The following ZNF683 variants were observed in gnomAD, a reference collection of about 807,000 sequenced individuals.
The protein encoded by ZNF683 is zinc finger protein 683, also known as tissue-resident T-cell transcription regulator protein ZNF683.
Under a neutral mutation model 31.4 loss-of-function variants are expected in ZNF683, and 20 were observed. That is an observed-to-expected ratio of 0.64 (90% confidence interval 0.45 to 0.93). The LOEUF (loss-of-function observed/expected upper bound fraction) is 0.93, where lower values mean the gene tolerates loss of function less well. Among genes scored for constraint, ZNF683 ranks in the 40% least tolerant of loss-of-function variants. ZNF683 has a pLI of 0.00. For synonymous variants in ZNF683, 264 were observed against 267.6 expected (o/e 0.99, Z 0.13); for missense variants, 621 against 637.2 (o/e 0.97, Z 0.27).
chr1:26,366,530 C>G (rs1156516179), intron 3 of ZNF683, among the ~76,000 whole-genome samples: 1 of 152,018 alleles, frequency 6.6e-6, no homozygotes. Context: ...TTACAACAAA[C>G]CTAGAACCCA....
Position 26,363,195 on chromosome 1 carries a change from C to A in ZNF683, c.1015-41G>T, listed in dbSNP as rs1349559934. On this transcript the variant is annotated intron_variant, in intron 4 of 5. Transcript: ENST00000349618. Reference sequence around the variant, plus strand: ...GATAAATGCTGCCAACTGCCCAGCACCCCTAGCAGGGCCTGAGGTCCTCTC... The same window carrying A: ...GATAAATGCTGCCAACTGCCCAGCAACCCTAGCAGGGCCTGAGGTCCTCTC... The A allele has an allele frequency of 1.9e-6, 3 of 1,581,628 alleles. No individual in the cohort carries two copies. The South Asian group carries it at 3.4e-5, about 18-fold the overall frequency.
rs769513114 is a variant in ZNF683 at position 26,368,551 on chromosome 1, T to C, written c.21A>G (p.Ala7=). The part of the protein sequence containing the change: MKEESA[A]QLGCCHRPMA... Reference sequence around the variant, plus strand: ...TGGGCCTATGACAACAACCTAATTGTGCAGCTGATTCTTCCTTCATATCCC... The same window carrying C: ...TGGGCCTATGACAACAACCTAATTGCGCAGCTGATTCTTCCTTCATATCCC... Residue 7 remains alanine (A), a synonymous_variant, in exon 2 of 6, where the codon GCA becomes GCG. Transcript: ENST00000349618. 29 of 1,605,384 alleles carry C rather than the reference T, an allele frequency of 1.8e-5. No homozygotes were observed. In the East Asian group the frequency reaches 6.1e-4, roughly 34 times the overall value.
chr1:26,369,362 C>A (rs1301317395), intron 1 of ZNF683, among the ~76,000 whole-genome samples: 1 of 152,064 alleles, frequency 6.6e-6, no homozygotes, highest in Non-Finnish European at 1.5e-5. Flanking sequence ...CCCATCTCTA[C>A]TAAAAATCCA....
intron 1 of ZNF683, chr1:26,370,494 C>T (rs2074643777): frequency 3.7e-6 from 1 of 271,692 alleles, no homozygotes; most frequent in Admixed American, 6.5e-5. Flanking sequence ...TCCCCGTCAC[C>T]TCAGGGACCA....
At chr1:26,365,355 T>G (rs2074498008) in intron 3 of ZNF683, 129 bp from the exon 4 acceptor site, 2 of 992,318 alleles carry the variant, frequency 2.0e-6, no homozygotes, top group Non-Finnish European at 2.9e-6. Flanking sequence ...TCTGTAGTGC[T>G]GAACAATTTC....
Position 26,372,048 on chromosome 1 carries a change from G to C in ZNF683, c.-15+621C>G, listed in dbSNP as rs377137397. 1.5e-4 allele frequency among the ~76,000 whole-genome samples: 23 copies of C among 152,304 alleles called. 1 individual carries two copies. The South Asian group carries it at 4.8e-3, about 32-fold the overall frequency. ...CATTATTCTTGTGAGCATGAGAAGA[G>C]GCATCACCCCTGCGGCCTTACACAA... On this transcript the variant is annotated intron_variant, in intron 1 of 5. Coordinates refer to ENST00000349618, the MANE Select transcript of ZNF683 (RefSeq NM_001114759.3).
chr1:26,369,496 C>A (rs1049151271), intron 1 of ZNF683, among the ~76,000 whole-genome samples: 1 of 151,758 alleles, frequency 6.6e-6, no homozygotes, highest in Non-Finnish European at 1.5e-5. Context: ...GGTGAAACCT[C>A]GTCTCTACCA....
intron 5 of ZNF683, among the ~76,000 whole-genome samples, chr1:26,362,545 G>A (rs1283957806): frequency 6.6e-6 from 1 of 152,138 alleles, no homozygotes; most frequent in African/African-American, 2.4e-5. Flanking sequence ...CAAGTTGAAG[G>A]CAGAGCTAGG....
At chr1:26,369,989 C>T (rs1332177444) in intron 1 of ZNF683, among the ~76,000 whole-genome samples, 1 of 145,794 alleles carries the variant, frequency 6.9e-6, no homozygotes, top group Non-Finnish European at 1.5e-5. Context: ...AGAGCAAGAC[C>T]CTGTCTCAAT....
intron 3 of ZNF683, among the ~76,000 whole-genome samples, chr1:26,367,324 C>A (rs77480225): frequency 0.027 from 4,122 of 152,154 alleles, 153 homozygotes; most frequent in African/African-American, 0.083. Flanking sequence ...CATCCCCAAC[C>A]CCCATGACCT....
At chr1:26,371,898 C>T (rs1391936689) in intron 1 of ZNF683, among the ~76,000 whole-genome samples, 5 of 152,078 alleles carry the variant, frequency 3.3e-5, no homozygotes, top group African/African-American at 1.2e-4. Flanking sequence ...TGCCACTGCA[C>T]TCCAGCCTGG....
chr1:26,366,463 A>G (rs974134685), intron 3 of ZNF683, among the ~76,000 whole-genome samples: 1 of 151,994 alleles, frequency 6.6e-6, no homozygotes, highest in Non-Finnish European at 1.5e-5. Context: ...GAAATAAAGG[A>G]CACAGCAAGA....
rs575902439 is a variant in ZNF683, at chr1:26,367,844, A to G, written c.115-47T>C. 279 of 1,431,808 alleles carry G rather than the reference A, an allele frequency of 1.9e-4. No individual in the cohort carries two copies. The Admixed American group carries it at 2.9e-3, about 15-fold the overall frequency. The allele number at this position is 1,431,808 out of a possible 1,614,324, so 88.7% of individuals were successfully genotyped here. ...CTTGGGGGCTGGTGACTGGGACTCC[A>G]TGGGTCCCTTAGATGGCCCCTACCC... On this transcript the variant is annotated intron_variant, in intron 2 of 5. Transcript: ENST00000349618.
chr1:26,365,137 G>C lies in ZNF683; in HGVS notation c.409C>G (p.Gln137Glu), dbSNP rs2074490070. The C allele has an allele frequency of 6.2e-7, 1 of 1,609,238 alleles. No homozygotes were observed. The highest frequency in any genetic ancestry group is 8.5e-7 in the Non-Finnish European group (1 of 1,177,874). The change falls in exon 4 of 6, where the codon CAG (glutamine) becomes GAG (glutamate). Residue 137 changes from glutamine (Q) to glutamate (E), a missense_variant. Gln to Glu is a conservative substitution (Grantham distance 29, BLOSUM62 2). Coordinates refer to ENST00000349618, the MANE Select transcript of ZNF683 (RefSeq NM_001114759.3). ...YPQNKDKLGK[Q>E]PERAGEGAPC... ...GCCCCCTCGCCAGCTCTTTCTGGCT[G>C]TTTTCCCAGCTTGTCCTTGTTCTGT... is the stretch of plus-strand genomic sequence containing the variant.
At chr1:26,372,358 G>T (rs531249021) in intron 1 of ZNF683, 4 of 681,980 alleles carry the variant, frequency 5.9e-6, no homozygotes, top group African/African-American at 1.9e-5. Context: ...TTTTTTGGAC[G>T]CCCAGCCTCT....
chr1:26,367,412 C>T (rs533807124), intron 3 of ZNF683, among the ~76,000 whole-genome samples, 181 bp downstream of exon 3: 56 of 152,292 alleles, frequency 3.7e-4, no homozygotes, highest in African/African-American at 1.2e-3. Flanking sequence ...TATCACCACT[C>T]GAAAGCCCCC....
chr1:26,362,769 G>C (rs1304254768), intron 5 of ZNF683, among the ~76,000 whole-genome samples: 1 of 152,150 alleles, frequency 6.6e-6, no homozygotes, highest in Non-Finnish European at 1.5e-5. Flanking sequence ...CAATAACTCA[G>C]GGAGGTAGAT....
intron 1 of ZNF683, chr1:26,370,711 G>A (rs933010287): frequency 2.0e-6 from 2 of 985,552 alleles, no homozygotes; most frequent in African/African-American, 3.5e-5. Flanking sequence ...GAAGGAAGGA[G>A]GTGGGCAGCC....
intron 1 of ZNF683, among the ~76,000 whole-genome samples, chr1:26,369,196 G>A (rs12128284): frequency 0.019 from 2,815 of 151,650 alleles, 36 homozygotes; most frequent in Non-Finnish European, 0.027. Context: ...AGTGAGCCAA[G>A]ATCGTGCCAC....
Sources: gnomAD v4.1 joint callset for allele counts (sites outside exome capture counted in the v4.1 genomes callset) on GRCh38, gnomAD v4.1.1 for gene constraint, MANE v1.5 for transcripts, NCBI Gene and HGNC (gene_info 2026-07-23, HGNC 2026-07-21) for gene names.